Variants in TMEM266 observed in about 807,000 individuals in gnomAD.
TMEM266 encodes the protein transmembrane protein 266, also known as Hv1 related protein 1.
In TMEM266, 33 loss-of-function variants were observed where a neutral mutation model predicts 50.5. The ratio of observed to expected loss-of-function variants is 0.65; its 90% CI spans 0.50 to 0.87. The LOEUF (loss-of-function observed/expected upper bound fraction) is 0.87. Ranked by LOEUF, TMEM266 falls within the 40% of genes least tolerant of loss-of-function variation. The pLI is 0.00. For synonymous variants in TMEM266, 310 were observed against 292.3 expected, an observed-to-expected ratio of 1.06 and a Z score of -0.62; for missense variants, 655 against 695.1, an observed-to-expected ratio of 0.94 and a Z score of 0.65.
At chr15:76,089,415 G>C (rs914429145) in intron 1 of TMEM266, among the ~76,000 whole-genome samples, 3 of 151,810 alleles carry the variant, frequency 2.0e-5, no homozygotes, top group Non-Finnish European at 2.9e-5. Flanking sequence ...GGATGGTCTC[G>C]ATCTCCTGAC....
intron 7 of TMEM266, among the ~76,000 whole-genome samples, chr15:76,173,410 G>T (rs2038218049): frequency 1.3e-5 from 2 of 152,150 alleles, no homozygotes; most frequent in Admixed American, 1.3e-4. Flanking sequence ...CTGTGTTAAA[G>T]TCAGGAGTGG....
intron 1 of TMEM266, among the ~76,000 whole-genome samples, chr15:76,118,833 A>C (rs939417654): frequency 2.6e-5 from 4 of 152,232 alleles, no homozygotes; most frequent in African/African-American, 9.7e-5. Context: ...TAGTAGCATC[A>C]TGCAGGGGGA....
At chr15:76,136,238 C>G (rs561960931) in intron 2 of TMEM266, among the ~76,000 whole-genome samples, 1 of 152,056 alleles carries the variant, frequency 6.6e-6, no homozygotes, top group Admixed American at 6.6e-5. Context: ...CCACCATGCC[C>G]GGCCTGCAGC....
At chr15:76,190,328 A>T (rs1037398530) in intron 8 of TMEM266, among the ~76,000 whole-genome samples, 1 of 152,208 alleles carries the variant, frequency 6.6e-6, no homozygotes, top group African/African-American at 2.4e-5. Context: ...AGAGAGGATG[A>T]GACAAGTTGG....
chr15:76,077,877 C>T (rs2036627579), intron 1 of TMEM266, among the ~76,000 whole-genome samples: 1 of 151,964 alleles, frequency 6.6e-6, no homozygotes, highest in South Asian at 2.1e-4. Context: ...GTTTTAGCAG[C>T]CAAAAGAAAC....
In TMEM266 at chr15:76,142,321, G is replaced by A. The variant is rs151292797; in HGVS notation, c.227+4426G>A. 3.6e-3 allele frequency among the ~76,000 whole-genome samples: 542 copies of A among 152,300 alleles called. 7 individuals are homozygous for A. The highest frequency in any genetic ancestry group is 0.012 in the African/African-American group (518 of 41,564). ...GGAGAATTACTTGAACCTGGGAGGC[G>A]GAGGTTGCAGTGAGTTGAGATCACG... On this transcript the variant is annotated intron_variant, in intron 3 of 10. Coordinates refer to ENST00000388942, the MANE Select transcript of TMEM266 (RefSeq NM_152335.3).
rs115598648 is a variant in TMEM266, at chr15:76,139,516, C to T, written c.227+1621C>T. Among the ~76,000 whole-genome samples, 795 of 152,264 alleles carry T rather than the reference C, an allele frequency of 5.2e-3. 5 individuals carry two copies. The highest frequency in any genetic ancestry group is 0.019 in the African/African-American group (770 of 41,538). On this transcript the variant is annotated intron_variant, in intron 3 of 10. Transcript: ENST00000388942. This position sits in a 1 kb window ranked among gnomAD's most constrained non-coding sequence, Gnocchi z 4.1. ...GTGACCTGTGCGGTAGCGCAGAGCCCCGTACTTAGAAGGGTCCCAACACTT... is the reference window on the plus strand; with the variant it reads ...GTGACCTGTGCGGTAGCGCAGAGCCTCGTACTTAGAAGGGTCCCAACACTT...
At chr15:76,093,727 C>A (rs1400579035) in intron 1 of TMEM266, among the ~76,000 whole-genome samples, 1 of 143,044 alleles carries the variant, frequency 7.0e-6, no homozygotes, top group African/African-American at 2.5e-5. Context: ...TACACTCCCA[C>A]CAACAGTGTA....
intron 1 of TMEM266, among the ~76,000 whole-genome samples, chr15:76,096,932 A>ATTTTTT (rs61532742): frequency 7.9e-6 from 1 of 125,926 alleles, no homozygotes; most frequent in Non-Finnish European, 1.7e-5. Context: ...GCAACTCCTG[A>ATTTTTT]TTTTTTTTTT....
chr15:76,164,414 C>T (rs1287527085), intron 5 of TMEM266, among the ~76,000 whole-genome samples: 1 of 152,044 alleles, frequency 6.6e-6, no homozygotes, highest in Non-Finnish European at 1.5e-5. Flanking sequence ...CGCCATGTTG[C>T]CCAGGCTGGT....
intron 1 of TMEM266, among the ~76,000 whole-genome samples, chr15:76,083,536 C>T (rs2036727590): frequency 2.6e-5 from 4 of 152,102 alleles, no homozygotes; most frequent in Admixed American, 2.6e-4. Context: ...CACTTAATTC[C>T]TGCATCTCCT....
intron 1 of TMEM266, among the ~76,000 whole-genome samples, chr15:76,127,019 G>T (rs1027934097): frequency 6.6e-5 from 10 of 151,914 alleles, no homozygotes; most frequent in Admixed American, 6.6e-4. Flanking sequence ...GACTAATAAT[G>T]GTTAATAATA....
intron 1 of TMEM266, among the ~76,000 whole-genome samples, chr15:76,082,343 T>G (rs934069340): frequency 6.6e-6 from 1 of 152,190 alleles, no homozygotes; most frequent in Non-Finnish European, 1.5e-5. Context: ...TGGTATCTGC[T>G]TGGCTTCTGG....
At chr15:76,114,206 GGT>G (rs1256612686) in intron 1 of TMEM266, 15 of 152,108 alleles carry the variant, frequency 9.9e-5, no homozygotes, top group Non-Finnish European at 1.8e-4. Context: ...TGACACTCAG[GGT>G]GTGTCTGTCC....
At chr15:76,147,568 C>T (rs772669652) in intron 3 of TMEM266, among the ~76,000 whole-genome samples, 2 of 152,184 alleles carry the variant, frequency 1.3e-5, no homozygotes, top group African/African-American at 2.4e-5. Flanking sequence ...ACCCTGTGAC[C>T]CCTCACTCCC....
intron 1 of TMEM266, among the ~76,000 whole-genome samples, chr15:76,068,112 C>T (rs1425092794): frequency 6.6e-6 from 1 of 152,188 alleles, no homozygotes; most frequent in Non-Finnish European, 1.5e-5. Context: ...AATTGACAGT[C>T]ATCATTATGT....
At chr15:76,082,890 G>A (rs998753113) in intron 1 of TMEM266, among the ~76,000 whole-genome samples, 1 of 152,052 alleles carries the variant, frequency 6.6e-6, no homozygotes, top group Non-Finnish European at 1.5e-5. Context: ...AATCACTTGA[G>A]CCCAGGAGGA....
rs574848891 is a variant in TMEM266, at chr15:76,070,783, G to A, written c.-97+10767G>A. ...AAGACAATATGTCCCCTCCCTCTTG[G>A]GCTTCCATAATGGGGAAGAGGGGAC... On this transcript the variant is annotated intron_variant, in intron 1 of 10. Coordinates refer to ENST00000388942, the MANE Select transcript of TMEM266 (RefSeq NM_152335.3). Among the ~76,000 whole-genome samples, 13 of 152,224 alleles carry A rather than the reference G, an allele frequency of 8.5e-5. No individual in the cohort carries two copies. In the South Asian group the frequency reaches 2.3e-3, roughly 27 times the overall value.
intron 1 of TMEM266, among the ~76,000 whole-genome samples, chr15:76,132,733 T>C (rs28435523): frequency 0.11 from 16,250 of 151,096 alleles, 2,465 homozygotes; most frequent in African/African-American, 0.34. Context: ...AGGTGGAGGT[T>C]GCAGTGAGCC....
Sources: allele counts gnomAD v4.1 joint callset (sites outside exome capture counted in the v4.1 genomes callset), GRCh38; gene constraint gnomAD v4.1.1; non-coding constraint Gnocchi (gnomAD v3.1); transcripts MANE v1.5; gene names NCBI Gene and HGNC (gene_info 2026-07-23, HGNC 2026-07-21).